The following NDC80 variants were observed in gnomAD, a reference collection of about 807,000 sequenced individuals.
NDC80 encodes the protein NDC80 kinetochore complex component.
NDC80 carries 69 observed loss-of-function variants against 89.3 expected under a neutral mutation model. The observed-to-expected ratio is 0.77, with a 90% CI of 0.64 to 0.94. The LOEUF (loss-of-function observed/expected upper bound fraction) is 0.94, where lower values mean the gene tolerates loss of function less well. Among genes scored for constraint, NDC80 ranks in the 40% least tolerant of loss-of-function variants. NDC80 has a pLI of 0.00. For synonymous variants in NDC80, 243 were observed against 255.6 expected, an observed-to-expected ratio of 0.95 and a Z score of 0.47; for missense variants, 593 against 739.6, an observed-to-expected ratio of 0.80 and a Z score of 2.30.
chr18:2,592,074 A>G (rs1422682593), intron 10 of NDC80, among the ~76,000 whole-genome samples: 1 of 152,066 alleles, frequency 6.6e-6, no homozygotes, highest in Non-Finnish European at 1.5e-5. Flanking sequence ...ACTTTCTAAT[A>G]CTAATACTTT....
At chr18:2,598,959 T>C (rs2072670606) in intron 11 of NDC80, 60 bp from the exon 12 acceptor site, 6 of 1,422,306 alleles carry the variant, frequency 4.2e-6, no homozygotes, top group Non-Finnish European at 5.5e-6. Context: ...GAAATGTCAA[T>C]TGAAAAAAAC....
chr18:2,616,470 A>G lies in NDC80; in HGVS notation c.1825A>G (p.Arg609Gly). 6.5e-7 allele frequency: 1 copy of G among 1,533,952 alleles called. No individual in the cohort carries two copies. Among genetic ancestry groups the G allele is most frequent in the African/African-American group, 1.4e-5 (1 of 71,662 alleles). ...HLEEQIAKVD[R>G]EYEECMSEDL... ...TGAGGAGCAGATTGCTAAAGTTGAT[A>G]GAGAATATGAAGAATGCATGTCAGA... The change falls in exon 17 of 17, where the codon AGA (arginine) becomes GGA (glycine). Residue 609 changes from arginine (R) to glycine (G), a missense_variant. Arg to Gly is a moderately radical substitution (Grantham distance 125). Coordinates refer to ENST00000261597, the MANE Select transcript of NDC80 (RefSeq NM_006101.3).
rs778047467 is a variant in NDC80, at chr18:2,575,055, A to G, written c.168A>G (p.Leu56=). 5.0e-6 allele frequency: 8 copies of G among 1,608,458 alleles called. No individual in the cohort carries two copies. The highest frequency in any genetic ancestry group is 2.2e-5 in the South Asian group (2 of 90,454). ...CGACATCTGAAAGAAAAGTCTCGCT[A>G]TTTGGCAAAAGGTAATTATATTTTT... ...NKPTSERKVS[L]FGKRTSGHGS... is the part of the protein sequence containing the mutation. The change falls in exon 3 of 17, where the codon CTA becomes CTG. Residue 56 remains leucine (L), a synonymous_variant. Coordinates refer to ENST00000261597, the MANE Select transcript of NDC80 (RefSeq NM_006101.3).
Position 2,590,182 on chromosome 18 carries a change from A to G in NDC80, c.1015+20A>G, listed in dbSNP as rs1414639381. The G allele has an allele frequency of 6.5e-7, 1 of 1,549,678 alleles. No individual in the cohort carries two copies. Among genetic ancestry groups the G allele is most frequent in the Admixed American group, 2.0e-5 (1 of 48,798 alleles). ...GAGTAGGTAAGCAGAGCTAATGCTA[A>G]AAGACTGGGATGCGAACCTGTGTGG... On this transcript the variant is annotated intron_variant, in intron 10 of 16. Transcript: ENST00000261597.
chr18:2,605,914 G>A lies in NDC80; in HGVS notation c.1465-501G>A, dbSNP rs546428622. ...GGTTTCAACTGATCTTAAAGTTCAA[G>A]CTTTAACAAGATTAAATGTGGTTAC... is the stretch of plus-strand genomic sequence containing the variant. On this transcript the variant is annotated intron_variant, in intron 13 of 16. Coordinates refer to ENST00000261597, the MANE Select transcript of NDC80 (RefSeq NM_006101.3). Among the ~76,000 whole-genome samples the A allele has an allele frequency of 6.2e-4, 94 of 152,126 alleles. 1 individual carries two copies. The highest frequency in any genetic ancestry group is 1.2e-3 in the Non-Finnish European group (83 of 67,968).
intron 6 of NDC80, among the ~76,000 whole-genome samples, chr18:2,580,598 T>C (rs777385076): frequency 2.7e-4 from 41 of 152,194 alleles, no homozygotes; most frequent in Middle Eastern, 3.4e-3. Context: ...GAGAGTAGAA[T>C]TCCAATGCCA....
At chr18:2,592,929 A>G (rs1017294395) in intron 10 of NDC80, among the ~76,000 whole-genome samples, 7 of 151,910 alleles carry the variant, frequency 4.6e-5, no homozygotes, top group Non-Finnish European at 7.4e-5. Flanking sequence ...GTTGGAAAAC[A>G]CTATTGGTAA....
intron 14 of NDC80, among the ~76,000 whole-genome samples, chr18:2,607,998 T>TATATATAAAA (rs771183596): frequency 7.9e-6 from 1 of 126,916 alleles, no homozygotes; most frequent in East Asian, 2.4e-4. Flanking sequence ...TATATATATA[T>TATATATAAAA]AACTTATTTA....
rs778813671 is a variant in NDC80, at chr18:2,590,119, T to C, written c.972T>C (p.Leu324=). Residue 324 remains leucine (L), a synonymous_variant, in exon 10 of 17, where the codon CTT becomes CTC. Transcript: ENST00000261597. ...MSNLESHSAI[L]DQKLNGLNEE... ...ATTTGGAGTCTCATTCAGCCATTCT[T>C]GACCAGAAATTAAATGGTCTCAATG... 1.9e-6 allele frequency: 3 copies of C among 1,612,060 alleles called. No homozygotes were observed. The highest frequency in any genetic ancestry group is 2.5e-6 in the Non-Finnish European group (3 of 1,179,104).
At chr18:2,605,012 A>G (rs1228053461) in intron 13 of NDC80, among the ~76,000 whole-genome samples, 1 of 152,198 alleles carries the variant, frequency 6.6e-6, no homozygotes, top group East Asian at 1.9e-4. Context: ...ATTACAGTGA[A>G]GACGGAGAAA....
chr18:2,612,324 C>A (rs1186755878), intron 16 of NDC80, among the ~76,000 whole-genome samples: 1 of 134,962 alleles, frequency 7.4e-6, no homozygotes, highest in Non-Finnish European at 1.6e-5. Context: ...TAGCCTCACT[C>A]TGTCACCCAG....
intron 12 of NDC80, among the ~76,000 whole-genome samples, chr18:2,600,189 G>T (rs1399857573): frequency 6.6e-6 from 1 of 152,168 alleles, no homozygotes; most frequent in African/African-American, 2.4e-5. Context: ...AAAGAAGAAT[G>T]AATATGCTCG....
At chr18:2,575,857 G>A (rs1471685284) in intron 3 of NDC80, among the ~76,000 whole-genome samples, 1 of 152,192 alleles carries the variant, frequency 6.6e-6, no homozygotes, top group Non-Finnish European at 1.5e-5. Flanking sequence ...CCCAGGAGGT[G>A]GAGGTTGCAG....
chr18:2,608,878 TTTAAC>T (rs1173805435), intron 15 of NDC80, 48 bp downstream of exon 15: 1 of 1,556,006 alleles, frequency 6.4e-7, no homozygotes, highest in Non-Finnish European at 8.8e-7. Context: ...AGATTATTAA[TTTAAC>T]AGTTCCATAA....
Position 2,578,045 on chromosome 18 carries a change from A to C in NDC80, c.380A>C (p.Lys127Thr). Residue 127 changes from lysine to threonine, a missense_variant, in exon 5 of 17, where the codon AAG (lysine) becomes ACG (threonine). Coordinates refer to ENST00000261597, the MANE Select transcript of NDC80 (RefSeq NM_006101.3). ...GCTCCCTCTGTTAAAGACTTCCTGA[A>C]GATCTTCACATTTCTTTATGGCTTC... The part of the protein sequence containing the change: ...LQAPSVKDFL[K>T]IFTFLYGFLC... 1 of 1,614,094 alleles carries C rather than the reference A, an allele frequency of 6.2e-7. No homozygotes were observed. Among genetic ancestry groups the C allele is most frequent in the Non-Finnish European group, 8.5e-7 (1 of 1,179,990 alleles).
intron 11 of NDC80, among the ~76,000 whole-genome samples, chr18:2,596,056 C>T (rs1318349265): frequency 6.6e-6 from 1 of 152,146 alleles, no homozygotes. Flanking sequence ...CATTTACTCC[C>T]ATGAAATGAG....
intron 16 of NDC80, among the ~76,000 whole-genome samples, chr18:2,612,559 G>A (rs1568014449): frequency 1.3e-5 from 2 of 152,008 alleles, no homozygotes; most frequent in South Asian, 4.1e-4. Flanking sequence ...AAAGTTCTGG[G>A]ATTGCAGGCA....
At chr18:2,613,988 G>T (rs2072758383) in intron 16 of NDC80, among the ~76,000 whole-genome samples, 1 of 152,038 alleles carries the variant, frequency 6.6e-6, no homozygotes, top group African/African-American at 2.4e-5. Flanking sequence ...AAAGAACCAA[G>T]GTGGCCAATA....
At position 2,616,449 on chromosome 18, in the gene NDC80, G is replaced by A; in HGVS notation, c.1804G>A (p.Glu602Lys). 1 of 1,494,332 alleles carries A rather than the reference G, an allele frequency of 6.7e-7. No homozygotes were observed. The highest frequency in any genetic ancestry group is 9.0e-7 in the Non-Finnish European group (1 of 1,114,772). 92.6% of individuals were successfully genotyped at this position (1,494,332 alleles called of 1,614,324 possible). Residue 602 changes from glutamate (E) to lysine (K), a missense_variant, in exon 17 of 17, where the codon GAG becomes AAG. Coordinates refer to ENST00000261597, the MANE Select transcript of NDC80 (RefSeq NM_006101.3). Reference sequence around the variant, plus strand: ...TTCTCTTCACTAGAAACATCTTGAGGAGCAGATTGCTAAAGTTGATAGAGA... The same window carrying A: ...TTCTCTTCACTAGAAACATCTTGAGAAGCAGATTGCTAAAGTTGATAGAGA... ...HVGSVEKHLE[E>K]QIAKVDREYE...
Sources: allele counts gnomAD v4.1 joint callset (sites outside exome capture counted in the v4.1 genomes callset), GRCh38; gene constraint gnomAD v4.1.1; transcripts MANE v1.5; gene names NCBI Gene and HGNC (gene_info 2026-07-23, HGNC 2026-07-21).